CASP2: variants seen among roughly 807,000 people sequenced by gnomAD.
CASP2 encodes the protein caspase 2.
Under a neutral mutation model 54.4 loss-of-function variants are expected in CASP2, and 38 were observed. The observed-to-expected ratio is 0.70, with a 90% CI of 0.54 to 0.92. The LOEUF is 0.92. Ranked by LOEUF, CASP2 falls within the 40% of genes least tolerant of loss-of-function variation. The pLI, the probability that CASP2 is intolerant of heterozygous loss-of-function variation, is 0.00. For synonymous variants in CASP2, 215 were observed against 216.3 expected, an observed-to-expected ratio of 0.99 and a Z score of 0.05; for missense variants, 512 against 579.6, an observed-to-expected ratio of 0.88 and a Z score of 1.20.
At chr7:143,300,582 T>C in intron 8 of CASP2, 1 of 1,459,516 alleles carries the variant, frequency 6.9e-7, no homozygotes. Context: ...GAACTCTTAC[T>C]CTTTTCTGTG....
At chr7:143,299,786 T>G (rs1454480908) in intron 6 of CASP2, 137 bp from the exon 7 acceptor site, 12 of 934,916 alleles carry the variant, frequency 1.3e-5, no homozygotes, top group Non-Finnish European at 2.0e-5. Flanking sequence ...AAAGGTCTCT[T>G]CTTTTATCAT....
intron 6 of CASP2, among the ~76,000 whole-genome samples, chr7:143,295,330 G>A (rs1249611689): frequency 6.6e-6 from 1 of 152,136 alleles, no homozygotes; most frequent in Admixed American, 6.5e-5. Context: ...ACCTGGCTGG[G>A]AAAGTATTCT....
chr7:143,304,261 T>C (rs746265642), intron 9 of CASP2, among the ~76,000 whole-genome samples: 9 of 152,218 alleles, frequency 5.9e-5, no homozygotes, highest in Non-Finnish European at 1.2e-4. Context: ...AATTGAAGGT[T>C]TGTGGCAATC....
chr7:143,300,072 GC>G, intron 7 of CASP2, 21 bp downstream of exon 7: 1 of 1,614,140 alleles, frequency 6.2e-7, no homozygotes, highest in Non-Finnish European at 8.5e-7. Context: ...CCTGGTGGAA[GC>G]CAACTGTTGA....
intron 8 of CASP2, chr7:143,303,573 G>A: frequency 2.0e-6 from 1 of 500,696 alleles, no homozygotes; most frequent in Non-Finnish European, 3.6e-6. Flanking sequence ...GGTGCCCGGT[G>A]TGTATGAGGC....
At position 143,304,687 on chromosome 7, in the gene CASP2, G is replaced by A; in HGVS notation, c.1131G>A (p.Met377Ile). 1 of 1,614,038 alleles carries A rather than the reference G, an allele frequency of 6.2e-7. No individual in the cohort carries two copies. The highest frequency in any genetic ancestry group is 8.5e-7 in the Non-Finnish European group (1 of 1,179,898). ...GYACLKGTAA[M>I]RNTKRGSWYI... ...TTTTGGTTGCAGGGACTGCCGCCAT[G>A]CGGAACACCAAACGAGGTTCCTGGT... Residue 377 changes from methionine to isoleucine, a missense_variant, in exon 10 of 11, where the codon ATG becomes ATA. Coordinates refer to ENST00000310447, the MANE Select transcript of CASP2 (RefSeq NM_032982.4).
chr7:143,303,735 A>C (rs1426383147), intron 8 of CASP2, 49 bp from the exon 9 acceptor site: 29 of 1,584,708 alleles, frequency 1.8e-5, no homozygotes, highest in Non-Finnish European at 2.5e-5. Context: ...GGCCCAAGAG[A>C]GATAGGAAGA....
chr7:143,295,856 C>T (rs182949802), intron 6 of CASP2, among the ~76,000 whole-genome samples: 113 of 152,310 alleles, frequency 7.4e-4, no homozygotes, highest in Non-Finnish European at 1.4e-3. Flanking sequence ...GCAGCAACAG[C>T]TGCTTCAGTC....
At chr7:143,290,222 G>A (rs1041938218) in intron 1 of CASP2, among the ~76,000 whole-genome samples, 6 of 151,724 alleles carry the variant, frequency 4.0e-5, no homozygotes, top group Admixed American at 3.3e-4. Flanking sequence ...CACCACACTC[G>A]GCTAATTTTT....
chr7:143,304,537 GA>G, intron 9 of CASP2, 136 bp from the exon 10 acceptor site: 3 of 753,436 alleles, frequency 4.0e-6, no homozygotes, highest in Admixed American at 1.8e-5. Context: ...TAATCCAAAA[GA>G]GTACCCTCCT....
Position 143,305,418 on chromosome 7 carries a change from G to C in CASP2, c.*347G>C. On this transcript the variant is annotated 3_prime_UTR_variant, in exon 11 of 11. Transcript: ENST00000310447. Reference sequence around the variant, plus strand: ...TTTGTGTTCAGTTCCAGCTTTTGTAGATGGCACTTTAGTGATTGCTTTTAT... The same window carrying C: ...TTTGTGTTCAGTTCCAGCTTTTGTACATGGCACTTTAGTGATTGCTTTTAT... The C allele has an allele frequency of 5.1e-6, 2 of 393,724 alleles. No homozygotes were observed. The highest frequency in any genetic ancestry group is 7.9e-4 in the Middle Eastern group (1 of 1,268). 24.4% of individuals were successfully genotyped at this position (393,724 alleles called of 1,614,324 possible).
At chr7:143,301,844 A>G (rs1165721851) in intron 8 of CASP2, 1 of 152,208 alleles carries the variant, frequency 6.6e-6, no homozygotes, top group Admixed American at 6.5e-5. Flanking sequence ...ACCTTTAGTC[A>G]TAACTGAGGT....
rs4647297 is a variant in CASP2, at chr7:143,294,268, G to C, written c.514G>C (p.Val172Leu). 84,118 of 1,611,660 alleles carry C rather than the reference G, an allele frequency of 0.052. 2,440 individuals carry two copies. The highest frequency in any genetic ancestry group is 0.12 in the Middle Eastern group (728 of 6,058). ...EHSLDNKDGPVCLQVKPCTPE... is the reference protein window; with the variant it reads ...EHSLDNKDGPLCLQVKPCTPE... Reference sequence around the variant, plus strand: ...CTCCCTAGACAATAAAGATGGTCCTGTCTGCCTTCAGGTGAAGCCTTGCAC... The same window carrying C: ...CTCCCTAGACAATAAAGATGGTCCTCTCTGCCTTCAGGTGAAGCCTTGCAC... The change falls in exon 5 of 11, where the codon GTC becomes CTC. Residue 172 changes from valine (V) to leucine (L), a missense_variant. Physicochemically the swap from Val to Leu is conservative, Grantham distance 32. Transcript: ENST00000310447.
chr7:143,293,505 G>GTTTTTTTT (rs199829830), intron 4 of CASP2, among the ~76,000 whole-genome samples: 1 of 149,420 alleles, frequency 6.7e-6, no homozygotes, highest in African/African-American at 2.5e-5. Context: ...GGAGTTTGTG[G>GTTTTTTTT]TTTTTTGTTT....
intron 1 of CASP2, among the ~76,000 whole-genome samples, chr7:143,289,136 T>C (rs1028956354): frequency 2.0e-5 from 3 of 152,166 alleles, no homozygotes; most frequent in Admixed American, 2.0e-4. Flanking sequence ...CAGGAGAACA[T>C]TGTAATGCCT....
At position 143,306,204 on chromosome 7, in the gene CASP2, T is replaced by C. The variant is rs150650825; in HGVS notation, c.*1133T>C. On this transcript the variant is annotated 3_prime_UTR_variant, in exon 11 of 11. Transcript: ENST00000310447. ...TTATTGTTTTCAACCTAGAAACCTTTATCCCTGCTTATCTGAAACTTCCCA... is the reference window on the plus strand; with the variant it reads ...TTATTGTTTTCAACCTAGAAACCTTCATCCCTGCTTATCTGAAACTTCCCA... 1 of 151,998 alleles carries C rather than the reference T, an allele frequency of 6.6e-6. No individual in the cohort carries two copies. 9.4% of individuals were successfully genotyped at this position (151,998 alleles called of 1,614,324 possible). A position where few individuals can be genotyped will look rare whatever the true frequency, so the allele number is the denominator to read the frequency against.
chr7:143,292,323 G>A lies in CASP2; in HGVS notation c.249G>A (p.Gln83=), dbSNP rs781208424. 6.2e-6 allele frequency: 10 copies of A among 1,614,182 alleles called. No homozygotes were observed. The highest frequency in any genetic ancestry group is 8.5e-6 in the Non-Finnish European group (10 of 1,180,042). The change falls in exon 3 of 11, where the codon CAG becomes CAA. Residue 83 remains glutamine (Q), a synonymous_variant. Coordinates refer to ENST00000310447, the MANE Select transcript of CASP2 (RefSeq NM_032982.4). The stretch of plus-strand genomic sequence containing the variant: ...AGGCCAAAGTGGGCAGTTTCAGCCA[G>A]AATGTGGAACTCCTCAACTTGCTGC... ...LIQAKVGSFS[Q]NVELLNLLPK...
At chr7:143,289,097 G>T (rs142640116) in intron 1 of CASP2, among the ~76,000 whole-genome samples, 2 of 152,094 alleles carry the variant, frequency 1.3e-5, no homozygotes, top group South Asian at 4.1e-4. Context: ...CCTCTGCCCC[G>T]GTCATTCCAT....
intron 8 of CASP2, 137 bp from the exon 9 acceptor site, chr7:143,303,647 C>A: frequency 5.6e-5 from 33 of 592,672 alleles, no homozygotes; most frequent in Admixed American, 9.2e-5. Context: ...TTTAGTTTAT[C>A]AGCCATAGGT....
Sources: gnomAD v4.1 joint callset for allele counts (sites outside exome capture counted in the v4.1 genomes callset) on GRCh38, gnomAD v4.1.1 for gene constraint, MANE v1.5 for transcripts, NCBI Gene and HGNC (gene_info 2026-07-23, HGNC 2026-07-21) for gene names.